The following FGF12 variants were observed in gnomAD, a reference collection of about 807,000 sequenced individuals.
The protein encoded by FGF12 is fibroblast growth factor 12B.
In FGF12, 14 loss-of-function variants were observed where a neutral mutation model predicts 23.6. That is an observed-to-expected ratio of 0.59 (90% CI 0.39 to 0.93). The LOEUF (loss-of-function observed/expected upper bound fraction) is 0.93, where lower values mean the gene tolerates loss of function less well. Ranked by LOEUF, FGF12 falls within the 40% of genes least tolerant of loss-of-function variation. FGF12 has a pLI of 0.00. For synonymous variants in FGF12, 62 were observed against 77.3 expected, an observed-to-expected ratio of 0.80 and a Z score of 1.04; for missense variants, 175 against 217.8, an observed-to-expected ratio of 0.80 and a Z score of 1.24.
At chr3:192,189,422 C>T (rs1412571091) in intron 4 of FGF12, among the ~76,000 whole-genome samples, 1 of 152,148 alleles carries the variant, frequency 6.6e-6, no homozygotes, top group African/African-American at 2.4e-5. Flanking sequence ...GTTGACGCAC[C>T]TCTCTCCTCT....
intron 2 of FGF12, among the ~76,000 whole-genome samples, chr3:192,617,962 G>A (rs955698861): frequency 1.3e-5 from 2 of 152,014 alleles, no homozygotes; most frequent in Admixed American, 6.6e-5. Context: ...TATAGGAAAG[G>A]AAAATAAATT....
chr3:192,561,252 G>A (rs1302635688), intron 2 of FGF12, among the ~76,000 whole-genome samples: 4 of 151,988 alleles, frequency 2.6e-5, no homozygotes, highest in South Asian at 2.1e-4. Context: ...CAAAATATTT[G>A]AACAGGCACG....
Position 192,505,295 on chromosome 3 carries a change from G to A in FGF12, c.14-144757C>T, listed in dbSNP as rs910552540. 2.6e-5 allele frequency among the ~76,000 whole-genome samples: 4 copies of A among 152,114 alleles called. No individual in the cohort carries two copies. The East Asian group carries it at 5.8e-4, about 22-fold the overall frequency. On this transcript the variant is annotated intron_variant, in intron 2 of 5. Coordinates refer to ENST00000445105, the MANE Select transcript of FGF12 (RefSeq NM_004113.6). ...GCACAGAAATGCACAAAGCTAAAAC[G>A]GGAAAGCCTCATTCCCGCTGCTTCA...
chr3:192,616,257 CTTA>C, intron 2 of FGF12, among the ~76,000 whole-genome samples: 1 of 152,070 alleles, frequency 6.6e-6, no homozygotes, highest in East Asian at 1.9e-4. Flanking sequence ...GTTTATTTAA[CTTA>C]TTTTTATTTG....
At chr3:192,309,217 C>G (rs553221011) in intron 4 of FGF12, among the ~76,000 whole-genome samples, 7 of 152,182 alleles carry the variant, frequency 4.6e-5, no homozygotes, top group Non-Finnish European at 8.8e-5. Flanking sequence ...GAAAGAAAGA[C>G]TGCTGCTATG....
chr3:192,335,302 A>C (rs1717340008), intron 4 of FGF12, 59 bp downstream of exon 4: 1 of 1,120,526 alleles, frequency 8.9e-7, no homozygotes, highest in Admixed American at 1.8e-5. Context: ...TGGTTACTCC[A>C]TTACCTCTCA....
chr3:192,408,234 C>T lies in FGF12; in HGVS notation c.14-47696G>A, dbSNP rs1409036539. 16 of 1,590,054 alleles carry T rather than the reference C, an allele frequency of 1.0e-5. No homozygotes were observed. Among genetic ancestry groups the T allele is most frequent in the East Asian group, 2.2e-5 (1 of 44,552 alleles). ...TATCGCCGCAGCCATAGCTGCTCAG[C>T]GAGGGCCTCAGGCCCCAGCCTCTAC... is the stretch of plus-strand genomic sequence containing the variant. On this transcript the variant is annotated intron_variant, in intron 2 of 5. Transcript: ENST00000445105. This position sits in a 1 kb window ranked among gnomAD's most constrained non-coding sequence, Gnocchi z 7.3.
chr3:192,376,334 A>C (rs1719498132), intron 2 of FGF12, among the ~76,000 whole-genome samples: 1 of 128,066 alleles, frequency 7.8e-6, no homozygotes, highest in Admixed American at 7.6e-5. Context: ...ATAATTATTA[A>C]TTTAATTTTA....
intron 2 of FGF12, among the ~76,000 whole-genome samples, chr3:192,576,091 C>T (rs1213524142): frequency 6.6e-6 from 1 of 152,150 alleles, no homozygotes; most frequent in Non-Finnish European, 1.5e-5. Context: ...TAAACATTAA[C>T]AAATCCTTTG....
At chr3:192,430,260 G>A (rs1482123322) in intron 2 of FGF12, among the ~76,000 whole-genome samples, 2 of 152,038 alleles carry the variant, frequency 1.3e-5, no homozygotes, top group Non-Finnish European at 2.9e-5. Flanking sequence ...AAATCAACCA[G>A]CCACAAAAAG....
In FGF12 at chr3:192,394,147, T is replaced by C. The variant is rs76561534; in HGVS notation, c.14-33609A>G. ...GTCTGTTTTTTAAAAATTGTTTTAT[T>C]ATCTTCGAGACTACACTAGTAAATA... On this transcript the variant is annotated intron_variant, in intron 2 of 5. Coordinates refer to ENST00000445105, the MANE Select transcript of FGF12 (RefSeq NM_004113.6). Among the ~76,000 whole-genome samples, 1,473 of 150,730 alleles carry C rather than the reference T, an allele frequency of 9.8e-3. 27 individuals are homozygous for C. The highest frequency in any genetic ancestry group is 0.034 in the African/African-American group (1,405 of 41,072).
At chr3:192,546,966 G>A (rs1293028892) in intron 2 of FGF12, among the ~76,000 whole-genome samples, 5 of 152,226 alleles carry the variant, frequency 3.3e-5, no homozygotes, top group East Asian at 1.9e-4. Flanking sequence ...TGGGAGGATC[G>A]CTTGAGCCCA....
chr3:192,523,552 C>T (rs556107414), intron 2 of FGF12, among the ~76,000 whole-genome samples: 52 of 152,244 alleles, frequency 3.4e-4, no homozygotes, highest in African/African-American at 1.1e-3. Context: ...ATAAAGAGCC[C>T]TACCCAAGTC....
At chr3:192,419,166 A>G (rs1253103847) in intron 2 of FGF12, among the ~76,000 whole-genome samples, 1 of 152,138 alleles carries the variant, frequency 6.6e-6, no homozygotes, top group Admixed American at 6.5e-5. Flanking sequence ...TTTTTTTAGG[A>G]TGATGAATCC....
chr3:192,174,879 G>C (rs547775338), intron 4 of FGF12, among the ~76,000 whole-genome samples: 5 of 152,024 alleles, frequency 3.3e-5, no homozygotes, highest in Non-Finnish European at 7.4e-5. Context: ...TCATGCATAT[G>C]GACACATGTT....
At chr3:192,710,541 G>T (rs75921871) in intron 2 of FGF12, among the ~76,000 whole-genome samples, 2,092 of 152,312 alleles carry the variant, frequency 0.014, 48 homozygotes, top group African/African-American at 0.049. Context: ...AGTGGAGAAA[G>T]CCAACAGGCA....
chr3:192,214,834 G>A (rs1232639400), intron 4 of FGF12, among the ~76,000 whole-genome samples: 2 of 152,224 alleles, frequency 1.3e-5, no homozygotes, highest in East Asian at 3.9e-4. Context: ...CTTGCATTAT[G>A]TAAAGAATAA....
At chr3:192,614,513 C>A (rs1219775791) in intron 2 of FGF12, among the ~76,000 whole-genome samples, 1 of 151,888 alleles carries the variant, frequency 6.6e-6, no homozygotes, top group Non-Finnish European at 1.5e-5. Context: ...GTTAATTTAT[C>A]TAGCTTTTTC....
chr3:192,584,294 G>T (rs1033895978), intron 2 of FGF12, among the ~76,000 whole-genome samples: 2 of 138,820 alleles, frequency 1.4e-5, no homozygotes, highest in Non-Finnish European at 3.1e-5. Flanking sequence ...GTTGTATGCC[G>T]ATCTTCTTCG....
Sources: allele counts gnomAD v4.1 joint callset (sites outside exome capture counted in the v4.1 genomes callset), GRCh38; gene constraint gnomAD v4.1.1; non-coding constraint Gnocchi (gnomAD v3.1); transcripts MANE v1.5; gene names NCBI Gene and HGNC (gene_info 2026-07-23, HGNC 2026-07-21).